The following MPHOSPH9 variants were observed in gnomAD, a reference collection of about 807,000 sequenced individuals.
The protein encoded by MPHOSPH9 is M-phase phosphoprotein 9.
Under a neutral mutation model 145.5 loss-of-function variants are expected in MPHOSPH9, and 88 were observed. The observed-to-expected ratio is 0.60, with a 90% confidence interval of 0.51 to 0.72. The LOEUF (loss-of-function observed/expected upper bound fraction) is 0.72. Ranked by LOEUF, MPHOSPH9 falls within the 30% of genes least tolerant of loss-of-function variation. The pLI, the probability that MPHOSPH9 is intolerant of heterozygous loss-of-function variation, is 0.00. For missense variants in MPHOSPH9, 1,238 were observed against 1,386.6 expected (o/e 0.89, Z 1.70); for synonymous variants, 435 against 486.2 (o/e 0.89, Z 1.39).
In MPHOSPH9 at chr12:123,156,719, A is replaced by G; in HGVS notation, c.*88T>C. On this transcript the variant is annotated 3_prime_UTR_variant, in exon 24 of 24. Transcript: ENST00000606320. Reference sequence around the variant, plus strand: ...GTAAAACTACTGTTTGAAGGCTTATAAACAGTACAAAATAGTTTGCCTTTT... The same window carrying G: ...GTAAAACTACTGTTTGAAGGCTTATGAACAGTACAAAATAGTTTGCCTTTT... 2 of 962,310 alleles carry G rather than the reference A, an allele frequency of 2.1e-6. No individual in the cohort carries two copies. The highest frequency in any genetic ancestry group is 1.6e-5 in the South Asian group (1 of 62,872). 59.6% of individuals were successfully genotyped at this position (962,310 alleles called of 1,614,324 possible).
chr12:123,235,437 T>C (rs1293333733), upstream of MPHOSPH9, among the ~76,000 whole-genome samples: 1 of 152,002 alleles, frequency 6.6e-6, no homozygotes, highest in Admixed American at 6.6e-5. Flanking sequence ...AGAGCTCAGC[T>C]CACTGCAAGC....
chr12:123,202,704 C>G lies in MPHOSPH9; in HGVS notation c.1701G>C (p.Gln567His). The G allele has an allele frequency of 6.2e-7, 1 of 1,614,156 alleles. No homozygotes were observed. Among genetic ancestry groups the G allele is most frequent in the South Asian group, 1.1e-5 (1 of 91,084 alleles). ...TVMVASASVSQSQLPGTANSV... is the reference protein window; with the variant it reads ...TVMVASASVSHSQLPGTANSV... ...TGTTGGCTGTACCTGGAAGCTGGGA[C>G]TGACTGACTGAGGCCGAAGCAACCA... Residue 567 changes from glutamine (Q) to histidine (H), a missense_variant, in exon 10 of 24, where the codon CAG (glutamine) becomes CAC (histidine). Coordinates refer to ENST00000606320, the MANE Select transcript of MPHOSPH9 (RefSeq NM_022782.4).
intron 8 of MPHOSPH9, among the ~76,000 whole-genome samples, chr12:123,205,370 A>T (rs536165518): frequency 1.3e-5 from 2 of 152,126 alleles, no homozygotes; most frequent in East Asian, 3.9e-4. Flanking sequence ...ATATGGTGAA[A>T]CCCCATCTCT....
intron 3 of MPHOSPH9, among the ~76,000 whole-genome samples, chr12:123,225,299 C>A (rs1205396415): frequency 6.6e-6 from 1 of 151,688 alleles, no homozygotes; most frequent in Non-Finnish European, 1.5e-5. Flanking sequence ...CAAAAATTAG[C>A]TGGGCATGGT....
At chr12:123,210,386 G>T (rs1432995831) in intron 7 of MPHOSPH9, among the ~76,000 whole-genome samples, 1 of 152,036 alleles carries the variant, frequency 6.6e-6, no homozygotes, top group Non-Finnish European at 1.5e-5. Flanking sequence ...AAGATGAGTT[G>T]GTACAATTTA....
At chr12:123,199,995 T>C (rs2046149456) in intron 11 of MPHOSPH9, among the ~76,000 whole-genome samples, 1 of 152,126 alleles carries the variant, frequency 6.6e-6, no homozygotes. Context: ...GAGACTATTC[T>C]TGAAAAAAAA....
At chr12:123,227,396 G>C in intron 3 of MPHOSPH9, 67 bp downstream of exon 3, 12 of 1,161,480 alleles carry the variant, frequency 1.0e-5, no homozygotes, top group East Asian at 2.7e-5. Flanking sequence ...TAATAATTTA[G>C]AGTTTAGTAG....
Position 123,202,634 on chromosome 12 carries a change from T to C in MPHOSPH9, c.1771A>G (p.Ile591Val), listed in dbSNP as rs578166090. The C allele has an allele frequency of 6.2e-7, 1 of 1,612,770 alleles. No individual in the cohort carries two copies. The highest frequency in any genetic ancestry group is 1.1e-5 in the South Asian group (1 of 91,022). The change falls in exon 10 of 24, where the codon ATA becomes GTA. Residue 591 changes from isoleucine to valine, a missense_variant. Around this residue, in one of 3 missense-constraint regions of MPHOSPH9, gnomAD observed 837 missense variants for 897.5 expected, o/e 0.93. Transcript: ENST00000606320. ...ISLTSLEDPVILSKIRQNLKE... is the reference protein window; with the variant it reads ...ISLTSLEDPVVLSKIRQNLKE... The stretch of plus-strand genomic sequence containing the variant: ...CACTGAAATACATACTTAGACAATA[T>C]CACAGGATCTTCCAAGGAAGTCAAT...
chr12:123,163,720 T>TA (rs571393821), intron 19 of MPHOSPH9: 129 of 422,172 alleles, frequency 3.1e-4, no homozygotes, highest in African/African-American at 2.1e-3. Context: ...CTGGACACAA[T>TA]AAAAAATCTC....
chr12:123,202,545 G>T, intron 10 of MPHOSPH9, 79 bp downstream of exon 10: 7 of 1,384,780 alleles, frequency 5.1e-6, no homozygotes, highest in Non-Finnish European at 6.8e-6. Flanking sequence ...ATGCAATACT[G>T]AAGTTCAATA....
intron 13 of MPHOSPH9, among the ~76,000 whole-genome samples, chr12:123,184,810 T>G (rs2045365312): frequency 6.6e-6 from 1 of 151,570 alleles, no homozygotes; most frequent in African/African-American, 2.4e-5. Context: ...TTTAATTTAA[T>G]TTTTATCTTT....
At position 123,230,507 on chromosome 12, in the gene MPHOSPH9, A is replaced by G; in HGVS notation, c.-143T>C. ...AACATTCAGAACTGTGAAATATCCT[A>G]AACTTCCAAGAGAGTCTGAAAATGA... On this transcript the variant is annotated 5_prime_UTR_variant, in exon 2 of 24. Transcript: ENST00000606320. The G allele has an allele frequency of 2.0e-6, 1 of 504,014 alleles. No individual in the cohort carries two copies. The allele number at this position is 504,014 out of a possible 1,614,324, so 31.2% of individuals were successfully genotyped here.
At chr12:123,204,966 T>C (rs966303472) in intron 8 of MPHOSPH9, among the ~76,000 whole-genome samples, 6 of 152,148 alleles carry the variant, frequency 3.9e-5, no homozygotes, top group Non-Finnish European at 2.9e-5. Context: ...AGGTCTAGGC[T>C]CTAAACACTA....
At position 123,159,415 on chromosome 12, in the gene MPHOSPH9, G is replaced by A. The variant is rs991238056; in HGVS notation, c.3450+1366C>T. Among the ~76,000 whole-genome samples the A allele has an allele frequency of 5.9e-5, 9 of 151,984 alleles. No homozygotes were observed. Among genetic ancestry groups the A allele is most frequent in the African/African-American group, 1.7e-4 (7 of 41,394 alleles). On this transcript the variant is annotated intron_variant, in intron 23 of 23. Transcript: ENST00000606320. This position sits in a 1 kb window ranked among gnomAD's most constrained non-coding sequence, Gnocchi z 4.3. ...CCTGACCTCGTGATCCGCCCACCTC[G>A]GCCTCCCAAAGTGCTGGGATTACAG...
At chr12:123,158,187 G>A (rs762743918) in intron 23 of MPHOSPH9, among the ~76,000 whole-genome samples, 2 of 151,806 alleles carry the variant, frequency 1.3e-5, no homozygotes, top group Non-Finnish European at 2.9e-5. Context: ...ACAGGGTTTC[G>A]CCATATTGGC....
At chr12:123,239,414 G>GA (rs2047896254) in intron 1 of MPHOSPH9, among the ~76,000 whole-genome samples, 2 of 94,078 alleles carry the variant, frequency 2.1e-5, no homozygotes, top group Admixed American at 2.4e-4. Flanking sequence ...TTTTTTGTTT[G>GA]TTTTTTTGAG....
At chr12:123,178,042 CT>C (rs1174885753) in intron 15 of MPHOSPH9, among the ~76,000 whole-genome samples, 2 of 152,140 alleles carry the variant, frequency 1.3e-5, no homozygotes, top group African/African-American at 2.4e-5. Context: ...TCATGCTGTT[CT>C]TTTTTCCCCC....
chr12:123,162,721 C>T (rs1374879264), intron 20 of MPHOSPH9: 9 of 280,412 alleles, frequency 3.2e-5, no homozygotes, highest in Admixed American at 5.3e-5. Flanking sequence ...AAAGTTTTCC[C>T]GTATCATAAA....
downstream of MPHOSPH9, chr12:123,152,693 G>A (rs1350481763): frequency 2.4e-6 from 1 of 417,760 alleles, no homozygotes; most frequent in Admixed American, 2.9e-5. Context: ...TACTGGGGTA[G>A]TAGTTTATTA....
Sources: allele counts gnomAD v4.1 joint callset (sites outside exome capture counted in the v4.1 genomes callset), GRCh38; gene constraint gnomAD v4.1.1; regional missense constraint gnomAD v4.1.1; non-coding constraint Gnocchi (gnomAD v3.1); transcripts MANE v1.5; gene names NCBI Gene and HGNC (gene_info 2026-07-23, HGNC 2026-07-21).